The following FAM8A1 variants were observed in gnomAD, a reference collection of about 807,000 sequenced individuals.
The protein encoded by FAM8A1 is family with sequence similarity 8 member A1.
A neutral mutation model predicts 38.3 loss-of-function variants in FAM8A1; 18 were observed. The observed-to-expected ratio is 0.47, with a 90% CI of 0.33 to 0.70. The LOEUF (loss-of-function observed/expected upper bound fraction) is 0.70, where lower values mean the gene tolerates loss of function less well. Among genes scored for constraint, FAM8A1 ranks in the 30% least tolerant of loss-of-function variants. FAM8A1 has a pLI of 0.03. For missense variants in FAM8A1, 559 were observed against 559.6 expected (o/e 1.00, Z 0.01); for synonymous variants, 246 against 234.4 (o/e 1.05, Z -0.45).
intron 1 of FAM8A1, among the ~76,000 whole-genome samples, chr6:17,601,639 G>GT (rs1413014145): frequency 2.6e-5 from 4 of 152,136 alleles, no homozygotes; most frequent in Non-Finnish European, 5.9e-5. Flanking sequence ...TTGTGTAATT[G>GT]TTTTTGCTTC....
At chr6:17,606,257 G>C (rs905692093) in intron 4 of FAM8A1, among the ~76,000 whole-genome samples, 12 of 145,640 alleles carry the variant, frequency 8.2e-5, no homozygotes, top group Non-Finnish European at 1.6e-4. Context: ...CTGGAGTGCA[G>C]TGGCACAGTC....
chr6:17,606,197 A>AT (rs112417120), intron 4 of FAM8A1, among the ~76,000 whole-genome samples, 184 bp downstream of exon 4: 7,108 of 131,474 alleles, frequency 0.054, 785 homozygotes, highest in African/African-American at 0.19. Context: ...TTTCAAGATG[A>AT]TTTTTTTTTT....
At chr6:17,604,140 G>T (rs77214718) in intron 2 of FAM8A1, among the ~76,000 whole-genome samples, 2,268 of 151,634 alleles carry the variant, frequency 0.015, 55 homozygotes, top group African/African-American at 0.05. Flanking sequence ...CAAAATCCTA[G>T]GCTCAGGCGA....
At chr6:17,602,782 T>C (rs1764003828) in intron 2 of FAM8A1, 72 bp downstream of exon 2, 1 of 1,460,500 alleles carries the variant, frequency 6.8e-7, no homozygotes, top group Non-Finnish European at 9.3e-7. Flanking sequence ...ACATTCTGTT[T>C]GTCTACACGT....
intron 4 of FAM8A1, among the ~76,000 whole-genome samples, chr6:17,607,774 ATGC>A (rs1764077397): frequency 6.6e-6 from 1 of 152,202 alleles, no homozygotes. Context: ...ACAAAGGAAA[ATGC>A]TGATTAAAGA....
Position 17,610,528 on chromosome 6 carries a change from T to C in FAM8A1, c.*2189T>C, listed in dbSNP as rs1289678381. The C allele has an allele frequency of 1.3e-5, 2 of 152,124 alleles. No homozygotes were observed. The highest frequency in any genetic ancestry group is 4.8e-5 in the African/African-American group (2 of 41,428). The allele number at this position is 152,124 out of a possible 1,614,324, so 9.4% of individuals were successfully genotyped here. On this transcript the variant is annotated 3_prime_UTR_variant, in exon 5 of 5. Transcript: ENST00000259963. Reference sequence around the variant, plus strand: ...TTCAGTATTTGCACCGAGATTTTGATTCCCAAAGTTTGGAAAAAAATGACA... The same window carrying C: ...TTCAGTATTTGCACCGAGATTTTGACTCCCAAAGTTTGGAAAAAAATGACA...
Position 17,600,569 on chromosome 6 carries a change from ACAGCCCCGGGCCTCGCGGCTGCCGCCG to A in FAM8A1, c.166_192del (p.Pro56_Ala64del). The A allele has an allele frequency of 6.7e-7, 1 of 1,498,634 alleles. No homozygotes were observed. Among genetic ancestry groups the A allele is most frequent in the Non-Finnish European group, 8.9e-7 (1 of 1,128,254 alleles). 92.8% of individuals were successfully genotyped at this position (1,498,634 alleles called of 1,614,324 possible). A position where few individuals can be genotyped will look rare whatever the true frequency, so the allele number is the denominator to read the frequency against. Reference sequence around the variant, plus strand: ...CGAACCCCAGGCCCCGGGCCGGCCCACAGCCCCGGGCCTCGCGGCTGCCGCCGCAGCCGACAAATTGGAGCCGCCGCG... The same window carrying A: ...CGAACCCCAGGCCCCGGGCCGGCCCACAGCCGACAAATTGGAGCCGCCGCG... On this transcript the variant is annotated inframe_deletion, in exon 1 of 5. Transcript: ENST00000259963.
intron 4 of FAM8A1, among the ~76,000 whole-genome samples, 169 bp downstream of exon 4, chr6:17,606,182 C>T (rs1969830): frequency 1 from 150,597 of 151,318 alleles, 74,940 homozygotes; most frequent in Middle Eastern, 1. Flanking sequence ...TTTTACAGTA[C>T]ACATTTTCAA....
intron 2 of FAM8A1, among the ~76,000 whole-genome samples, chr6:17,603,767 G>T (rs1764017211): frequency 6.6e-6 from 1 of 151,746 alleles, no homozygotes; most frequent in Non-Finnish European, 1.5e-5. Flanking sequence ...ATTGTTTTTT[G>T]TAGAGATGGG....
intron 1 of FAM8A1, among the ~76,000 whole-genome samples, chr6:17,601,941 A>G (rs1001207551): frequency 5.9e-5 from 9 of 152,100 alleles, no homozygotes; most frequent in African/African-American, 2.2e-4. Context: ...TGTGACTTAG[A>G]TGTGATCACC....
Position 17,600,757 on chromosome 6 carries a change from A to G in FAM8A1, c.348A>G (p.Gln116=). Residue 116 remains glutamine, a synonymous_variant, in exon 1 of 5, where the codon CAA becomes CAG. Coordinates refer to ENST00000259963, the MANE Select transcript of FAM8A1 (RefSeq NM_016255.3). ...ARLSAREYSR[Q]VHEWLWQSYC... Reference sequence around the variant, plus strand: ...TGAGCGCCCGCGAGTACTCCCGGCAAGTGCACGAGTGGCTGTGGCAGTCCT... The same window carrying G: ...TGAGCGCCCGCGAGTACTCCCGGCAGGTGCACGAGTGGCTGTGGCAGTCCT... The G allele has an allele frequency of 6.2e-7, 1 of 1,610,792 alleles. No homozygotes were observed. Among genetic ancestry groups the G allele is most frequent in the Non-Finnish European group, 8.5e-7 (1 of 1,179,598 alleles).
At chr6:17,606,307 T>C (rs1764052942) in intron 4 of FAM8A1, among the ~76,000 whole-genome samples, 1 of 151,826 alleles carries the variant, frequency 6.6e-6, no homozygotes, top group East Asian at 1.9e-4. Flanking sequence ...TTCACGCCAT[T>C]CTCCTGCCTC....
intron 4 of FAM8A1, 26 bp from the exon 5 acceptor site, chr6:17,608,169 C>G: frequency 4.3e-6 from 7 of 1,611,374 alleles, no homozygotes; most frequent in Non-Finnish European, 5.9e-6. Flanking sequence ...TGTAACTTAC[C>G]TGATATTTTT....
intron 1 of FAM8A1, 33 bp downstream of exon 1, chr6:17,601,154 A>G (rs1763980774): frequency 6.4e-7 from 1 of 1,560,054 alleles, no homozygotes; most frequent in Non-Finnish European, 8.7e-7. Flanking sequence ...TGGGCGGAGT[A>G]GAAGGGTTTT....
intron 1 of FAM8A1, among the ~76,000 whole-genome samples, chr6:17,601,713 C>T (rs1223752992): frequency 6.6e-6 from 1 of 152,112 alleles, no homozygotes; most frequent in African/African-American, 2.4e-5. Flanking sequence ...AACTATTAGA[C>T]TTTTAGTTTA....
At chr6:17,601,174 G>A in intron 1 of FAM8A1, 53 bp downstream of exon 1, 1 of 1,539,238 alleles carries the variant, frequency 6.5e-7, no homozygotes, top group Non-Finnish European at 8.7e-7. Context: ...TCGGGGGCCT[G>A]TGGGGTAGAG....
rs777228667 is a variant in FAM8A1 at position 17,608,244 on chromosome 6, CCTG to C, written c.1150_1152del (p.Ala384del). 2.5e-6 allele frequency: 4 copies of C among 1,613,622 alleles called. No homozygotes were observed. The highest frequency in any genetic ancestry group is 1.1e-5 in the South Asian group (1 of 91,040). On this transcript the variant is annotated inframe_deletion, in exon 5 of 5. Coordinates refer to ENST00000259963, the MANE Select transcript of FAM8A1 (RefSeq NM_016255.3). ...GAATTTTTCAATTGCTTCTTTTTTC[CCTG>C]CTTTCATCACACTGCTGTTTTTTCA...
At position 17,610,067 on chromosome 6, in the gene FAM8A1, C is replaced by T. The variant is rs1353313258; in HGVS notation, c.*1728C>T. The T allele has an allele frequency of 6.6e-6, 1 of 152,016 alleles. No individual in the cohort carries two copies. Among genetic ancestry groups the T allele is most frequent in the African/African-American group, 2.4e-5 (1 of 41,418 alleles). 9.4% of individuals were successfully genotyped at this position (152,016 alleles called of 1,614,324 possible). ...CCATGGGGAAGATTGTGTTACTGCCCTTCACAGTGAAAAAAAGAAAAATCT... is the reference window on the plus strand; with the variant it reads ...CCATGGGGAAGATTGTGTTACTGCCTTTCACAGTGAAAAAAAGAAAAATCT... On this transcript the variant is annotated 3_prime_UTR_variant, in exon 5 of 5. Transcript: ENST00000259963.
intron 2 of FAM8A1, 47 bp from the exon 3 acceptor site, chr6:17,604,859 G>C: frequency 6.7e-7 from 1 of 1,493,818 alleles, no homozygotes; most frequent in Non-Finnish European, 9.0e-7. Context: ...CAGTGCTACT[G>C]TTCTGGTAAC....
Sources: allele counts gnomAD v4.1 joint callset (sites outside exome capture counted in the v4.1 genomes callset), GRCh38; gene constraint gnomAD v4.1.1; transcripts MANE v1.5; gene names NCBI Gene and HGNC (gene_info 2026-07-23, HGNC 2026-07-21).